The following CC2D2A variants were observed in gnomAD, a reference collection of about 807,000 sequenced individuals.
The protein encoded by CC2D2A is coiled-coil and C2 domain containing 2A, also known as coiled-coil and C2 domain-containing protein 2A.
Under a neutral mutation model 212.9 loss-of-function variants are expected in CC2D2A, and 155 were observed. The ratio of observed to expected loss-of-function variants is 0.73; its 90% CI spans 0.64 to 0.83. CC2D2A has a LOEUF of 0.83. Ranked by LOEUF, CC2D2A falls within the 40% of genes least tolerant of loss-of-function variation. The pLI is 0.00. For synonymous variants in CC2D2A, 667 were observed against 686.5 expected (o/e 0.97, Z 0.44); for missense variants, 1,856 against 1,956.2 (o/e 0.95, Z 0.97).
intron 29 of CC2D2A, among the ~76,000 whole-genome samples, chr4:15,577,677 CATTCCA>C (rs1434356477): frequency 6.6e-6 from 1 of 151,992 alleles, no homozygotes; most frequent in Admixed American, 6.6e-5. Context: ...CTCAACAGAA[CATTCCA>C]ATGAAAGTGG....
chr4:15,504,976 C>T (rs1716173915), intron 6 of CC2D2A, among the ~76,000 whole-genome samples: 1 of 152,180 alleles, frequency 6.6e-6, no homozygotes, highest in Admixed American at 6.5e-5. Flanking sequence ...AGTGATGTGA[C>T]CTTTGAGTTT....
intron 33 of CC2D2A, among the ~76,000 whole-genome samples, chr4:15,590,130 C>T (rs1721033887): frequency 6.6e-6 from 1 of 152,192 alleles, no homozygotes; most frequent in Admixed American, 6.5e-5. Flanking sequence ...CTCACCTGGC[C>T]TGCAATATCC....
At position 15,570,442 on chromosome 4, in the gene CC2D2A, A is replaced by C; in HGVS notation, c.3540A>C (p.Arg1180Ser). 1.2e-6 allele frequency: 2 copies of C among 1,608,714 alleles called. No individual in the cohort carries two copies. The highest frequency in any genetic ancestry group is 1.7e-6 in the Non-Finnish European group (2 of 1,176,744). The stretch of plus-strand genomic sequence containing the variant: ...GTGGAATCCATACTCGTATTGAGAG[A>C]CACTGGCTGGGATGTGTGAAAATGC... Reference protein sequence around the residue: ...RGSGIHTRIERHWLGCVKMPF... With the variant: ...RGSGIHTRIESHWLGCVKMPF... Residue 1180 changes from arginine to serine, a missense_variant, in exon 28 of 37, where the codon AGA (arginine) becomes AGC (serine). Arg to Ser is a moderately radical substitution (Grantham distance 110). Transcript: ENST00000424120.
Position 15,484,460 on chromosome 4 carries a change from C to T in CC2D2A, c.247+3633C>T, listed in dbSNP as rs74701349. Among the ~76,000 whole-genome samples, 948 of 152,168 alleles carry T rather than the reference C, an allele frequency of 6.2e-3. 7 individuals carry two copies. The highest frequency in any genetic ancestry group is 0.021 in the African/African-American group (857 of 41,498). ...CTGATATAATCAGATTTAAGGCTGA[C>T]GGCTGCTGTGCTGAGTAGACTTTGG... On this transcript the variant is annotated intron_variant, in intron 4 of 36. Transcript: ENST00000424120.
At position 15,510,194 on chromosome 4, in the gene CC2D2A, G is replaced by C. The variant is rs911542623; in HGVS notation, c.494G>C (p.Arg165Thr). The change falls in exon 7 of 37, where the codon AGA becomes ACA. Residue 165 changes from arginine (R) to threonine (T), a missense_variant. Physicochemically the swap from Arg to Thr is moderately conservative, Grantham distance 71. This residue lies in a region of CC2D2A where 1,512 missense variants were observed against 1,579.3 expected (regional missense o/e 0.96). Transcript: ENST00000424120. ...GAAGTTGACTCCCAAAGTTACTCAA[G>C]AGTCAAGTTCCATGATTCTGCACGA... ...QQEVDSQSYSRVKFHDSARKI... is the reference protein window; with the variant it reads ...QQEVDSQSYSTVKFHDSARKI... 9 of 1,613,538 alleles carry C rather than the reference G, an allele frequency of 5.6e-6. No individual in the cohort carries two copies. The highest frequency in any genetic ancestry group is 7.6e-6 in the Non-Finnish European group (9 of 1,179,796).
chr4:15,497,435 G>A (rs568777757), intron 4 of CC2D2A, among the ~76,000 whole-genome samples: 1 of 152,262 alleles, frequency 6.6e-6, no homozygotes, highest in Non-Finnish European at 1.5e-5. Flanking sequence ...GAAGTAAAAG[G>A]TAGTTCAGGC....
At chr4:15,570,580 C>A in intron 28 of CC2D2A, 84 bp downstream of exon 28, 1 of 901,106 alleles carries the variant, frequency 1.1e-6, no homozygotes, top group Non-Finnish European at 1.8e-6. Flanking sequence ...GTGGGCCAGG[C>A]GCGGTGGCTC....
intron 4 of CC2D2A, among the ~76,000 whole-genome samples, chr4:15,488,841 G>A (rs947169740): frequency 6.6e-6 from 1 of 152,202 alleles, no homozygotes; most frequent in Non-Finnish European, 1.5e-5. Context: ...CCTCCCTAAT[G>A]AACCGCACCA....
chr4:15,532,552 A>G lies in CC2D2A; in HGVS notation c.1467-641A>G, dbSNP rs573602549. On this transcript the variant is annotated intron_variant, in intron 13 of 36. Transcript: ENST00000424120. The stretch of plus-strand genomic sequence containing the variant: ...TCTTCTGTCTCTTAGACACTTCTAA[A>G]TCCCGTGGAATGACTCATGGCACTT... Among the ~76,000 whole-genome samples the G allele has an allele frequency of 7.2e-5, 11 of 152,380 alleles. No homozygotes were observed. The South Asian group carries it at 2.1e-3, about 29-fold the overall frequency.
intron 4 of CC2D2A, among the ~76,000 whole-genome samples, chr4:15,484,874 G>A (rs545170629): frequency 6.6e-6 from 1 of 152,140 alleles, no homozygotes; most frequent in African/African-American, 2.4e-5. Flanking sequence ...GAGGTGGAGA[G>A]TGGACAGGGA....
chr4:15,477,507 T>C (rs547074390), intron 2 of CC2D2A, among the ~76,000 whole-genome samples: 3 of 152,288 alleles, frequency 2.0e-5, no homozygotes, highest in Admixed American at 1.3e-4. Context: ...GATGAAAACA[T>C]CACGGAAAAG....
intron 4 of CC2D2A, among the ~76,000 whole-genome samples, chr4:15,488,688 C>G (rs1280596407): frequency 1.3e-5 from 2 of 152,196 alleles, no homozygotes; most frequent in Non-Finnish European, 2.9e-5. Flanking sequence ...GATACCAGCC[C>G]AGCTCCTCAC....
chr4:15,589,383 T>G (rs922866699), intron 32 of CC2D2A, among the ~76,000 whole-genome samples, 162 bp from the exon 33 acceptor site: 1 of 152,208 alleles, frequency 6.6e-6, no homozygotes, highest in African/African-American at 2.4e-5. Context: ...CTTTACTTTT[T>G]AAATTCAGCA....
chr4:15,489,393 A>T (rs964235785), intron 4 of CC2D2A, among the ~76,000 whole-genome samples: 1 of 152,132 alleles, frequency 6.6e-6, no homozygotes, highest in Non-Finnish European at 1.5e-5. Context: ...TAGTCCAAGG[A>T]TGCACAGTGG....
chr4:15,585,319 C>T (rs1720816420), intron 30 of CC2D2A, among the ~76,000 whole-genome samples: 1 of 152,162 alleles, frequency 6.6e-6, no homozygotes, highest in African/African-American at 2.4e-5. Flanking sequence ...AACCACAAAA[C>T]AGAATGAAAT....
chr4:15,524,520 G>A (rs1247786250), intron 11 of CC2D2A, among the ~76,000 whole-genome samples: 4 of 137,130 alleles, frequency 2.9e-5, no homozygotes, highest in Middle Eastern at 4.7e-3. Context: ...GCGCAATCTT[G>A]GCTCACTGCA....
intron 33 of CC2D2A, among the ~76,000 whole-genome samples, chr4:15,593,130 T>G (rs1250999343): frequency 6.6e-6 from 1 of 152,230 alleles, no homozygotes; most frequent in Non-Finnish European, 1.5e-5. Context: ...TAAGCTTTCA[T>G]CACTTTCTGG....
At chr4:15,500,101 GTGTGTGTATATATA>G (rs1715847153) in intron 4 of CC2D2A, among the ~76,000 whole-genome samples, 3 of 71,130 alleles carry the variant, frequency 4.2e-5, no homozygotes, top group Middle Eastern at 7.7e-3. Flanking sequence ...GTGTGTGTGT[GTGTGTGTATATATA>G]TATATATATA....
intron 4 of CC2D2A, among the ~76,000 whole-genome samples, chr4:15,500,883 C>T (rs1225664635): frequency 6.6e-6 from 1 of 152,178 alleles, no homozygotes; most frequent in South Asian, 2.1e-4. Flanking sequence ...GGCTTCAGCG[C>T]TCACCATGGT....
Sources: allele counts gnomAD v4.1 joint callset (sites outside exome capture counted in the v4.1 genomes callset), GRCh38; gene constraint gnomAD v4.1.1; regional missense constraint gnomAD v4.1.1; transcripts MANE v1.5; gene names NCBI Gene and HGNC (gene_info 2026-07-23, HGNC 2026-07-21).